ZNF446: variants seen among roughly 807,000 people sequenced by gnomAD.
ZNF446 encodes the protein zinc finger protein with KRAB and SCAN domains 20.
Under a neutral mutation model 34.0 loss-of-function variants are expected in ZNF446, and 42 were observed. The ratio of observed to expected loss-of-function variants is 1.23; its 90% CI spans 0.96 to 1.60. ZNF446 has a LOEUF of 1.60. Among genes scored for constraint, ZNF446 ranks in the 40% most tolerant of loss-of-function variants. The pLI, the probability that ZNF446 is intolerant of heterozygous loss-of-function variation, is 0.00. For synonymous variants in ZNF446, 315 were observed against 251.0 expected (o/e 1.25, Z -2.41); for missense variants, 650 against 600.2 (o/e 1.08, Z -0.87).
At chr19:58,481,622 A>G (rs531110398), downstream of ZNF446, among the ~76,000 whole-genome samples, 10 of 152,208 alleles carry the variant, frequency 6.6e-5, no homozygotes, top group South Asian at 1.9e-3. Context: ...GCTCCCTGGG[A>G]AGCACCGGAT....
chr19:58,487,240 C>A, the ZNF446 span, among the ~76,000 whole-genome samples: 12 of 152,196 alleles, frequency 7.9e-5, no homozygotes, highest in South Asian at 2.3e-3. Context: ...GGCATAGTTG[C>A]CCTTGTTTTG....
intron 4 of ZNF446, 189 bp from the exon 5 acceptor site, chr19:58,479,454 G>A: frequency 1.6e-6 from 1 of 615,704 alleles, no homozygotes; most frequent in Non-Finnish European, 2.8e-6. Context: ...GCTGGCAGCA[G>A]CACTGGTCAG....
downstream of ZNF446, among the ~76,000 whole-genome samples, chr19:58,485,442 A>T (rs2053164240): frequency 6.6e-6 from 1 of 152,160 alleles, no homozygotes; most frequent in Non-Finnish European, 1.5e-5. Context: ...CCCAGAAGGC[A>T]GAGATTGCAG....
chr19:58,478,202 A>G, intron 4 of ZNF446, 21 bp downstream of exon 4: 1 of 1,609,796 alleles, frequency 6.2e-7, no homozygotes, highest in East Asian at 2.2e-5. Flanking sequence ...CCAAGTGGGA[A>G]GTATAGGCCC....
At chr19:58,486,263 T>C in the ZNF446 span, among the ~76,000 whole-genome samples, 2 of 151,720 alleles carry the variant, frequency 1.3e-5, no homozygotes, top group Admixed American at 6.6e-5. Context: ...TGGCTACTTT[T>C]TGTATTTTTA....
chr19:58,479,592 A>G (rs2122446557), intron 4 of ZNF446, 51 bp from the exon 5 acceptor site: 4 of 1,589,814 alleles, frequency 2.5e-6, no homozygotes, highest in Non-Finnish European at 3.4e-6. Flanking sequence ...TGAACCAGAC[A>G]GGGCAGGGAA....
At position 58,478,266 on chromosome 19, in the gene ZNF446, GGCTCCTTGACTAGTGGCTCTTT is replaced by G; in HGVS notation, c.627+89_627+110del. On this transcript the variant is annotated intron_variant, in intron 4 of 6. Transcript: ENST00000594369. ...CTGCCCTCTGCCTGGTGGTTTTCCA[GGCTCCTTGACTAGTGGCTCTTT>G]GCTTCCCAGAAGTGGAGTCTGTAAA... 2.3e-6 allele frequency: 3 copies of G among 1,325,652 alleles called. No individual in the cohort carries two copies. The South Asian group carries it at 4.2e-5, about 18-fold the overall frequency. The allele number at this position is 1,325,652 out of a possible 1,614,324, so 82.1% of individuals were successfully genotyped here. A position where few individuals can be genotyped will look rare whatever the true frequency, so the allele number is the denominator to read the frequency against.
intron 4 of ZNF446, among the ~76,000 whole-genome samples, chr19:58,478,957 G>A (rs1479457493): frequency 1.3e-5 from 2 of 152,192 alleles, no homozygotes; most frequent in Admixed American, 6.5e-5. Flanking sequence ...GAGGCCACCT[G>A]TTAGGCCTGG....
chr19:58,486,699 G>A, the ZNF446 span, among the ~76,000 whole-genome samples: 8 of 139,348 alleles, frequency 5.7e-5, no homozygotes, highest in South Asian at 2.3e-4. Flanking sequence ...GTGAGCCACC[G>A]CACCCAGCTT....
chr19:58,476,486 G>GTC lies in ZNF446; in HGVS notation c.-54_-53dup, dbSNP rs938083471. On this transcript the variant is annotated 5_prime_UTR_variant, in exon 1 of 7. Transcript: ENST00000594369. The stretch of plus-strand genomic sequence containing the variant: ...TCGGATAGGCCGGGTGTCAGGCCTG[G>GTC]TCTCTCAGGCCCGTCCAGGTGGGCG... 2 of 152,288 alleles carry GTC rather than the reference G, an allele frequency of 1.3e-5. No homozygotes were observed. Among genetic ancestry groups the GTC allele is most frequent in the Non-Finnish European group, 2.9e-5 (2 of 68,072 alleles). 9.4% of individuals were successfully genotyped at this position (152,288 alleles called of 1,614,324 possible). A position where few individuals can be genotyped will look rare whatever the true frequency, so the allele number is the denominator to read the frequency against.
chr19:58,484,690 T>A (rs1469616610), downstream of ZNF446, among the ~76,000 whole-genome samples: 1 of 151,938 alleles, frequency 6.6e-6, no homozygotes, highest in Non-Finnish European at 1.5e-5. Flanking sequence ...AAAATTTTTT[T>A]TAAAAAATTT....
chr19:58,479,229 C>G (rs890247565), intron 4 of ZNF446, among the ~76,000 whole-genome samples: 2 of 152,166 alleles, frequency 1.3e-5, no homozygotes, highest in African/African-American at 4.8e-5. Flanking sequence ...AGCTGTGGCT[C>G]CTCACAGCTG....
the ZNF446 span, among the ~76,000 whole-genome samples, chr19:58,489,366 T>C: frequency 1.3e-5 from 2 of 152,224 alleles, no homozygotes; most frequent in East Asian, 3.9e-4. Flanking sequence ...CCCCAGGAAC[T>C]GACTCCGCGC....
chr19:58,480,320 C>T lies in ZNF446; in HGVS notation c.947C>T (p.Thr316Ile). 1 of 1,586,062 alleles carries T rather than the reference C, an allele frequency of 6.3e-7. No individual in the cohort carries two copies. The highest frequency in any genetic ancestry group is 8.6e-7 in the Non-Finnish European group (1 of 1,167,082). Residue 316 changes from threonine (T) to isoleucine (I), a missense_variant, in exon 7 of 7, where the codon ACA becomes ATA. Transcript: ENST00000594369. The surrounding 1 kb of genome is among the most constrained non-coding windows in gnomAD (Gnocchi z 7.2). ...ACACCGCCAGTGCCCACTCAGCCCACACCTGCAGAGACGAGACTGGAGCCG... is the reference window on the plus strand; with the variant it reads ...ACACCGCCAGTGCCCACTCAGCCCATACCTGCAGAGACGAGACTGGAGCCG... ...PGTPPVPTQPTPAETRLEPAA... is the reference protein window; with the variant it reads ...PGTPPVPTQPIPAETRLEPAA...
At chr19:58,488,177 A>G in the ZNF446 span, among the ~76,000 whole-genome samples, 51 of 46,564 alleles carry the variant, frequency 1.1e-3, no homozygotes, top group Middle Eastern at 0.017. Context: ...CTTGCCCGTG[A>G]CCACACACCC....
chr19:58,476,408 G>C lies in ZNF446; in HGVS notation c.-137G>C. 5 of 152,474 alleles carry C rather than the reference G, an allele frequency of 3.3e-5. No individual in the cohort carries two copies. Among genetic ancestry groups the C allele is most frequent in the Admixed American group, 3.3e-4 (5 of 15,312 alleles). 9.4% of individuals were successfully genotyped at this position (152,474 alleles called of 1,614,324 possible). On this transcript the variant is annotated 5_prime_UTR_variant, in exon 1 of 7. Transcript: ENST00000594369. ...CGGGCCTGGCAAGTCCTCTTGGAAC[G>C]CCTCCCTCTTGCCTTCCCCTTTTGG... is the stretch of plus-strand genomic sequence containing the variant.
chr19:58,477,332 A>G lies in ZNF446; in HGVS notation c.114A>G (p.Ala38=). Residue 38 remains alanine, a synonymous_variant, in exon 2 of 7, where the codon GCA becomes GCG. Transcript: ENST00000594369. Reference sequence around the variant, plus strand: ...GAGGGTTCTGCTACCAGGAGGTGGCAGGTCCCCGAGAAGCCCTGGCCCGGC... The same window carrying G: ...GAGGGTTCTGCTACCAGGAGGTGGCGGGTCCCCGAGAAGCCCTGGCCCGGC... ...RFRGFCYQEV[A]GPREALARLR... is the part of the protein sequence containing the mutation. The G allele has an allele frequency of 6.2e-7, 1 of 1,613,298 alleles. No individual in the cohort carries two copies. Among genetic ancestry groups the G allele is most frequent in the Non-Finnish European group, 8.5e-7 (1 of 1,179,966 alleles).
downstream of ZNF446, among the ~76,000 whole-genome samples, chr19:58,484,292 A>AC (rs1374025028): frequency 1.4e-5 from 2 of 141,992 alleles, no homozygotes; most frequent in African/African-American, 5.2e-5. Flanking sequence ...AAAAAAAAAA[A>AC]AACACACAAT....
chr19:58,480,862 CCTGGT>C lies in ZNF446; in HGVS notation c.*144_*148del, dbSNP rs1388882760. 1 of 1,042,096 alleles carries C rather than the reference CCTGGT, an allele frequency of 9.6e-7. No homozygotes were observed. Among genetic ancestry groups the C allele is most frequent in the African/African-American group, 1.6e-5 (1 of 62,600 alleles). The allele number at this position is 1,042,096 out of a possible 1,614,324, so 64.6% of individuals were successfully genotyped here. ...AGGGGTCCCAAGCCAGTTCCCTGCC[CCTGGT>C]CTGGTCTCCCCCAAAAGACCTGGGT... is the stretch of plus-strand genomic sequence containing the variant. On this transcript the variant is annotated 3_prime_UTR_variant, in exon 7 of 7. Coordinates refer to ENST00000594369, the MANE Select transcript of ZNF446 (RefSeq NM_017908.4). This position sits in a 1 kb window ranked among gnomAD's most constrained non-coding sequence, Gnocchi z 7.2.
Sources: gnomAD v4.1 joint callset for allele counts (sites outside exome capture counted in the v4.1 genomes callset) on GRCh38, gnomAD v4.1.1 for gene constraint, Gnocchi (gnomAD v3.1) non-coding constraint, MANE v1.5 for transcripts, NCBI Gene and HGNC (gene_info 2026-07-23, HGNC 2026-07-21) for gene names.